Variants in MGAT4C observed in about 807,000 individuals in gnomAD.
MGAT4C encodes the protein alpha-1,3-mannosyl-glycoprotein 4-beta-N-acetylglucosaminyltransferase C.
In MGAT4C, 19 loss-of-function variants were observed where a neutral mutation model predicts 40.1. The ratio of observed to expected loss-of-function variants is 0.47; its 90% CI spans 0.33 to 0.70. MGAT4C has a LOEUF of 0.70. MGAT4C is among the 30% of genes least tolerant of loss of function. The pLI, the probability that MGAT4C is intolerant of heterozygous loss-of-function variation, is 0.02. For synonymous variants in MGAT4C, 181 were observed against 187.1 expected (o/e 0.97, Z 0.27); for missense variants, 491 against 563.2 (o/e 0.87, Z 1.30).
intron 4 of MGAT4C, among the ~76,000 whole-genome samples, chr12:86,294,614 G>T (rs896078508): frequency 1.3e-5 from 2 of 152,010 alleles, no homozygotes; most frequent in Non-Finnish European, 2.9e-5. Context: ...GTACAAAATT[G>T]TAAAACAAGT....
intron 2 of MGAT4C, among the ~76,000 whole-genome samples, chr12:86,640,934 A>G (rs1409887895): frequency 1.3e-5 from 2 of 151,816 alleles, no homozygotes; most frequent in East Asian, 3.9e-4. Flanking sequence ...TCTTAATCCT[A>G]AGTTCTAGTT....
intron 4 of MGAT4C, among the ~76,000 whole-genome samples, chr12:86,330,554 G>A (rs148878713): frequency 2.6e-5 from 4 of 152,246 alleles, no homozygotes; most frequent in African/African-American, 9.6e-5. Flanking sequence ...GAGGTGTGAT[G>A]CTTACTGAAT....
chr12:85,984,515 T>C (rs754174975), intron 3 of MGAT4C, among the ~76,000 whole-genome samples: 2 of 152,158 alleles, frequency 1.3e-5, no homozygotes, highest in African/African-American at 2.4e-5. Context: ...AACATATTCA[T>C]ATTCAGATTA....
intron 2 of MGAT4C, among the ~76,000 whole-genome samples, chr12:86,555,158 A>C (rs1055333807): frequency 6.6e-6 from 1 of 151,696 alleles, no homozygotes; most frequent in Admixed American, 6.6e-5. Flanking sequence ...AGGATCTTTA[A>C]TTTTATGATC....
chr12:86,264,925 G>A (rs116088482), intron 4 of MGAT4C, among the ~76,000 whole-genome samples: 2,828 of 152,326 alleles, frequency 0.019, 73 homozygotes, highest in African/African-American at 0.064. Flanking sequence ...TGGATTTTGG[G>A]CACTGACGAG....
chr12:86,396,699 T>G (rs1019836773), intron 3 of MGAT4C, among the ~76,000 whole-genome samples: 1 of 152,110 alleles, frequency 6.6e-6, no homozygotes, highest in Non-Finnish European at 1.5e-5. Flanking sequence ...AAAGATACAA[T>G]GCCATTATGT....
chr12:86,181,636 T>G (rs751615535), intron 1 of MGAT4C, among the ~76,000 whole-genome samples: 3 of 152,130 alleles, frequency 2.0e-5, no homozygotes, highest in African/African-American at 2.4e-5. Flanking sequence ...ATCATGAACT[T>G]CCATTATGAA....
At chr12:86,270,327 C>T (rs1354160526) in intron 4 of MGAT4C, among the ~76,000 whole-genome samples, 1 of 151,946 alleles carries the variant, frequency 6.6e-6, no homozygotes, top group Non-Finnish European at 1.5e-5. Flanking sequence ...GTGATCCGCC[C>T]GCCTCGGCCT....
intron 2 of MGAT4C, among the ~76,000 whole-genome samples, chr12:86,648,447 G>T (rs528896471): frequency 4.0e-4 from 61 of 151,840 alleles, no homozygotes; most frequent in Non-Finnish European, 7.8e-4. Flanking sequence ...GTAAGATTAG[G>T]TCATGAGGGT....
At chr12:86,046,523 T>A (rs1403024135) in intron 2 of MGAT4C, among the ~76,000 whole-genome samples, 1 of 152,082 alleles carries the variant, frequency 6.6e-6, no homozygotes, top group Non-Finnish European at 1.5e-5. Flanking sequence ...AGAAACACAT[T>A]AGTAAGCTGT....
intron 2 of MGAT4C, among the ~76,000 whole-genome samples, chr12:86,000,056 T>A (rs567200560): frequency 6.6e-6 from 1 of 152,308 alleles, no homozygotes; most frequent in Admixed American, 6.5e-5. Context: ...ATATGCTAAT[T>A]ACCTTAATGT....
chr12:86,020,759 T>G (rs1343984509), intron 2 of MGAT4C, among the ~76,000 whole-genome samples: 3 of 152,036 alleles, frequency 2.0e-5, no homozygotes, highest in African/African-American at 7.2e-5. Flanking sequence ...ACTAAAGAGC[T>G]TCTGCACAGC....
chr12:86,545,212 A>G (rs1383298654), intron 2 of MGAT4C, among the ~76,000 whole-genome samples: 1 of 152,058 alleles, frequency 6.6e-6, no homozygotes, highest in Non-Finnish European at 1.5e-5. Flanking sequence ...GATGACTTAT[A>G]CACTTGCTGA....
Position 86,110,268 on chromosome 12 carries a change from C to CTATATATATATAGTCTATA in MGAT4C, c.-56-60546_-56-60545insTATAGACTATATATATATA, listed in dbSNP as rs368895751. ...AACAATAAATGAATATATATATAGA[C>CTATATATATATAGTCTATA]TATATATATAGTCTATATATATATA... is the stretch of plus-strand genomic sequence containing the variant. On this transcript the variant is annotated intron_variant, in intron 1 of 4. Transcript: ENST00000611864. 9.0e-5 allele frequency among the ~76,000 whole-genome samples: 2 copies of CTATATATATATAGTCTATA among 22,308 alleles called. 1 individual carries two copies. Among genetic ancestry groups the CTATATATATATAGTCTATA allele is most frequent in the East Asian group, 2.0e-3 (2 of 1,002 alleles). 14.6% of individuals were successfully genotyped at this position (22,308 alleles called of 152,430 possible).
At chr12:86,394,767 A>G in intron 3 of MGAT4C, among the ~76,000 whole-genome samples, 1 of 150,926 alleles carries the variant, frequency 6.6e-6, no homozygotes, top group South Asian at 2.1e-4. Flanking sequence ...TTACAGGATC[A>G]CACACCACCA....
In MGAT4C at chr12:86,543,953, A is replaced by G. The variant is rs1052890100; in HGVS notation, c.-228-108688T>C. Among the ~76,000 whole-genome samples the G allele has an allele frequency of 3.9e-5, 6 of 152,230 alleles. No individual in the cohort carries two copies. The East Asian group carries it at 1.2e-3, about 29-fold the overall frequency. On this transcript the variant is annotated intron_variant, in intron 2 of 7. Coordinates refer to the MGAT4C transcript ENST00000548651. ...GCCACAGTGCCACATGTTATTTTCT[A>G]CATGGACTCCTCATCAGGGGGGCTC... is the stretch of plus-strand genomic sequence containing the variant.
At chr12:86,144,185 C>T (rs1883216209) in intron 1 of MGAT4C, among the ~76,000 whole-genome samples, 1 of 152,062 alleles carries the variant, frequency 6.6e-6, no homozygotes, top group South Asian at 2.1e-4. Flanking sequence ...ACATATAGTT[C>T]GTTTATATAT....
At chr12:86,358,845 C>T (rs1037965633) in intron 3 of MGAT4C, among the ~76,000 whole-genome samples, 1 of 152,164 alleles carries the variant, frequency 6.6e-6, no homozygotes, top group African/African-American at 2.4e-5. Context: ...TAGAGACCTA[C>T]AAAGAGACTT....
chr12:86,603,866 G>A (rs1029147134), intron 2 of MGAT4C, among the ~76,000 whole-genome samples: 1 of 146,748 alleles, frequency 6.8e-6, no homozygotes, highest in Non-Finnish European at 1.5e-5. Flanking sequence ...AATTTGCGAA[G>A]AGAGTATATC....
Sources: gnomAD v4.1 joint callset for allele counts (sites outside exome capture counted in the v4.1 genomes callset) on GRCh38, gnomAD v4.1.1 for gene constraint, MANE v1.5 for transcripts, NCBI Gene and HGNC (gene_info 2026-07-23, HGNC 2026-07-21) for gene names.